The following TAF3 variants were observed in gnomAD, a reference collection of about 807,000 sequenced individuals.
The protein encoded by TAF3 is transcription initiation factor TFIID subunit 3.
A neutral mutation model predicts 80.6 loss-of-function variants in TAF3; 7 were observed. The observed-to-expected ratio is 0.09, with a 90% CI of 0.05 to 0.16. The LOEUF (loss-of-function observed/expected upper bound fraction) is 0.16. Ranked by LOEUF, TAF3 falls within the 10% of genes least tolerant of loss-of-function variation. The pLI is 1.00. For synonymous variants in TAF3, 444 were observed against 446.1 expected (o/e 1.00, Z 0.06); for missense variants, 921 against 1,140.2 (o/e 0.81, Z 2.77).
chr10:7,858,827 T>TGTGTGC lies in TAF3; in HGVS notation c.409+34268_409+34269insTGTGCG, dbSNP rs575813657. ...GGCTCTGTGTGTGTGTGTGTGTGTG[T>TGTGTGC]GCGCGCGCCTGCATGTCACTGAATG... is the stretch of plus-strand genomic sequence containing the variant. On this transcript the variant is annotated intron_variant, in intron 2 of 6. Coordinates refer to ENST00000344293, the MANE Select transcript of TAF3 (RefSeq NM_031923.4). Among the ~76,000 whole-genome samples, 7 of 149,328 alleles carry TGTGTGC rather than the reference T, an allele frequency of 4.7e-5. No individual in the cohort carries two copies. The South Asian group carries it at 6.3e-4, about 13-fold the overall frequency.
At chr10:7,892,097 T>G (rs1377891588) in intron 2 of TAF3, among the ~76,000 whole-genome samples, 1 of 152,224 alleles carries the variant, frequency 6.6e-6, no homozygotes, top group Non-Finnish European at 1.5e-5. Flanking sequence ...TATTGAGTAA[T>G]TAGTGTATTT....
At chr10:7,863,686 C>T (rs866890376) in intron 2 of TAF3, among the ~76,000 whole-genome samples, 1 of 80,318 alleles carries the variant, frequency 1.2e-5, no homozygotes, top group African/African-American at 5.1e-5. Flanking sequence ...TATATATATA[C>T]ACACACATAT....
intron 2 of TAF3, among the ~76,000 whole-genome samples, chr10:7,916,421 T>C (rs1383796626): frequency 6.6e-6 from 1 of 152,238 alleles, no homozygotes; most frequent in Non-Finnish European, 1.5e-5. Context: ...TGGATAAATA[T>C]GTCTGTTAAT....
At chr10:7,953,906 A>T (rs1052208765) in intron 2 of TAF3, among the ~76,000 whole-genome samples, 9 of 147,358 alleles carry the variant, frequency 6.1e-5, no homozygotes, top group African/African-American at 2.2e-4. Context: ...TTCAGAGTGC[A>T]CTCCATAGGT....
chr10:7,946,019 C>T (rs1370280992), intron 2 of TAF3, among the ~76,000 whole-genome samples: 1 of 152,182 alleles, frequency 6.6e-6, no homozygotes, highest in African/African-American at 2.4e-5. Flanking sequence ...TTGTTATGCA[C>T]ACCTGACCCT....
chr10:7,888,974 A>G (rs1012446540), intron 2 of TAF3, among the ~76,000 whole-genome samples: 4 of 152,256 alleles, frequency 2.6e-5, no homozygotes, highest in Non-Finnish European at 5.9e-5. Context: ...GCTATAATTT[A>G]TAAGGATACA....
At chr10:7,831,206 C>T (rs970846645) in intron 2 of TAF3, among the ~76,000 whole-genome samples, 3 of 152,024 alleles carry the variant, frequency 2.0e-5, no homozygotes, top group Non-Finnish European at 2.9e-5. Flanking sequence ...GCAGGGTTAA[C>T]GCTTGATTTT....
intron 5 of TAF3, among the ~76,000 whole-genome samples, chr10:8,013,121 A>G (rs1832070148): frequency 6.6e-6 from 1 of 152,182 alleles, no homozygotes; most frequent in Admixed American, 6.5e-5. Flanking sequence ...CTATCCCCTT[A>G]TTTCATTTGC....
chr10:7,863,700 T>TACAC (rs1837177587), intron 2 of TAF3, among the ~76,000 whole-genome samples: 3 of 109,276 alleles, frequency 2.7e-5, no homozygotes, highest in African/African-American at 1.0e-4. Context: ...CACATATATA[T>TACAC]ATATACACAT....
intron 2 of TAF3, among the ~76,000 whole-genome samples, chr10:7,830,545 G>A (rs893340161): frequency 7.7e-6 from 1 of 129,914 alleles, no homozygotes; most frequent in Non-Finnish European, 1.6e-5. Context: ...GTGCAGTGGC[G>A]CAATCTCGGC....
intron 2 of TAF3, among the ~76,000 whole-genome samples, chr10:7,915,754 G>A (rs903403444): frequency 9.2e-5 from 14 of 151,984 alleles, no homozygotes; most frequent in Middle Eastern, 3.4e-3. Context: ...TGAGGTGGGC[G>A]GATCACTTGA....
At chr10:7,981,167 T>A (rs1295674571) in intron 4 of TAF3, among the ~76,000 whole-genome samples, 3 of 152,168 alleles carry the variant, frequency 2.0e-5, no homozygotes, top group African/African-American at 7.2e-5. Context: ...GGGCTGAATA[T>A]AGGGTAGAGG....
At chr10:7,958,135 C>G (rs1029365741) in intron 2 of TAF3, among the ~76,000 whole-genome samples, 2 of 151,376 alleles carry the variant, frequency 1.3e-5, no homozygotes, top group African/African-American at 4.8e-5. Context: ...TGAAATTCAC[C>G]TTTACCAGTG....
chr10:7,821,316 A>G (rs1227178740), intron 1 of TAF3, among the ~76,000 whole-genome samples: 7 of 152,160 alleles, frequency 4.6e-5, no homozygotes, highest in Admixed American at 4.6e-4. Context: ...CTGTAGCTCC[A>G]GGTTACCACT....
chr10:7,883,871 G>A (rs1465822703), intron 2 of TAF3, among the ~76,000 whole-genome samples: 1 of 152,236 alleles, frequency 6.6e-6, no homozygotes, highest in South Asian at 2.1e-4. Flanking sequence ...ACAAGGTAGA[G>A]GGGCTACATC....
chr10:7,824,795 G>A (rs1224435374), intron 2 of TAF3, among the ~76,000 whole-genome samples: 1 of 152,202 alleles, frequency 6.6e-6, no homozygotes, highest in African/African-American at 2.4e-5. Flanking sequence ...TAAAGTTCAA[G>A]TAGAGGAAAA....
intron 2 of TAF3, among the ~76,000 whole-genome samples, chr10:7,903,815 A>T (rs888802071): frequency 6.6e-6 from 1 of 151,982 alleles, no homozygotes; most frequent in Admixed American, 6.6e-5. Flanking sequence ...AGTTCTGTGG[A>T]TATTGAAATG....
intron 2 of TAF3, among the ~76,000 whole-genome samples, chr10:7,949,766 T>TA (rs1838064030): frequency 6.6e-6 from 1 of 152,020 alleles, no homozygotes; most frequent in Non-Finnish European, 1.5e-5. Context: ...AACATTTTTT[T>TA]AACTGCATAG....
chr10:7,923,585 AAAAAC>A (rs1046962518), intron 2 of TAF3, among the ~76,000 whole-genome samples: 7 of 144,990 alleles, frequency 4.8e-5, no homozygotes, highest in Admixed American at 4.8e-4. Context: ...TGTATAGCAA[AAAAAC>A]AAAACAAAAC....
Sources: allele counts gnomAD v4.1 joint callset (sites outside exome capture counted in the v4.1 genomes callset), GRCh38; gene constraint gnomAD v4.1.1; transcripts MANE v1.5; gene names NCBI Gene and HGNC (gene_info 2026-07-23, HGNC 2026-07-21).